The following KLF8 variants were observed in gnomAD, a reference collection of about 807,000 sequenced individuals.
The protein encoded by KLF8 is Krueppel-like factor 8.
A neutral mutation model predicts 18.2 loss-of-function variants in KLF8; 10 were observed. That is an observed-to-expected ratio of 0.55 (90% CI 0.34 to 0.93). The LOEUF (loss-of-function observed/expected upper bound fraction) is 0.93, where lower values mean the gene tolerates loss of function less well. Among genes scored for constraint, KLF8 ranks in the 40% least tolerant of loss-of-function variants. The pLI is 0.02. For missense variants in KLF8, 264 were observed against 277.9 expected (o/e 0.95, Z 0.36); for synonymous variants, 109 against 97.3 (o/e 1.12, Z -0.71).
the KLF8 span, among the ~76,000 whole-genome samples, chrX:56,028,396 A>G: frequency 9.0e-6 from 1 of 111,537 alleles, no homozygotes; most frequent in African/African-American, 3.3e-5. Flanking sequence ...GCTGCAGATG[A>G]CCTGCTTTCT....
the KLF8 span, among the ~76,000 whole-genome samples, chrX:56,028,258 C>G: frequency 4.4e-3 from 481 of 110,469 alleles, 4 homozygotes; most frequent in African/African-American, 0.016. Context: ...TCAAAGGGCT[C>G]TCAGTCGCCC....
chrX:56,005,414 G>A, the KLF8 span, among the ~76,000 whole-genome samples: 1 of 112,078 alleles, frequency 8.9e-6, no homozygotes, highest in African/African-American at 3.2e-5. Flanking sequence ...TGAGAGCAAG[G>A]CTGCTGCAGT....
the KLF8 span, among the ~76,000 whole-genome samples, chrX:56,214,287 C>T: frequency 8.9e-6 from 1 of 111,935 alleles, no homozygotes; most frequent in African/African-American, 3.3e-5. Flanking sequence ...GGGGCCCTTG[C>T]CAGGGACCCC....
chrX:55,948,311 A>G, the KLF8 span, among the ~76,000 whole-genome samples: 5 of 111,787 alleles, frequency 4.5e-5, no homozygotes, highest in African/African-American at 1.6e-4. Flanking sequence ...TTTTAAAGTG[A>G]AGAGTTGTAT....
At chrX:56,227,418 TCAGCTCACTGCAACCTC>T (rs772746336), upstream of KLF8, among the ~76,000 whole-genome samples, 1 of 109,293 alleles carries the variant, frequency 9.1e-6, no homozygotes, top group Non-Finnish European at 1.9e-5. Flanking sequence ...TGGTGCGACC[TCAGCTCACTGCAACCTC>T]CGCCTCCCGG....
chrX:55,911,547 G>A, the KLF8 span, among the ~76,000 whole-genome samples: 2 of 111,608 alleles, frequency 1.8e-5, no homozygotes, highest in Admixed American at 9.6e-5. Context: ...TTCCTTTTAA[G>A]TTGTGCACTG....
chrX:56,073,309 T>C, the KLF8 span, among the ~76,000 whole-genome samples: 1 of 112,368 alleles, frequency 8.9e-6, no homozygotes, highest in Non-Finnish European at 1.9e-5. Flanking sequence ...TTAAGATTCA[T>C]CCATATTGTA....
chrX:56,073,685 G>A, the KLF8 span, among the ~76,000 whole-genome samples: 8 of 110,324 alleles, frequency 7.3e-5, no homozygotes, highest in Non-Finnish European at 1.3e-4. Context: ...AACCTAAGTT[G>A]GTGAGTGTGA....
At chrX:56,028,924 G>A in the KLF8 span, among the ~76,000 whole-genome samples, 2 of 111,280 alleles carry the variant, frequency 1.8e-5, no homozygotes, top group Admixed American at 9.5e-5. Flanking sequence ...GTCCTGTACG[G>A]GCCGATAGTC....
the KLF8 span, among the ~76,000 whole-genome samples, chrX:56,056,046 T>G: frequency 1.8e-5 from 2 of 111,835 alleles, no homozygotes; most frequent in African/African-American, 6.5e-5. Flanking sequence ...TTTATTCATA[T>G]TCTGAATTTT....
chrX:56,056,800 T>TAA, the KLF8 span, among the ~76,000 whole-genome samples: 8 of 42,032 alleles, frequency 1.9e-4, 1 homozygote, highest in African/African-American at 4.9e-4. Flanking sequence ...AAAGTATATA[T>TAA]AAAAAAAAAA....
the KLF8 span, among the ~76,000 whole-genome samples, chrX:55,970,602 A>G: frequency 8.9e-6 from 1 of 111,737 alleles, no homozygotes; most frequent in African/African-American, 3.2e-5. Flanking sequence ...GGGCATCCAA[A>G]TTGGAAAGGA....
chrX:55,924,849 C>CTTTTTTTTTTT, the KLF8 span, among the ~76,000 whole-genome samples: 6 of 42,936 alleles, frequency 1.4e-4, no homozygotes, highest in Admixed American at 4.1e-4. Context: ...TTGTTTTTTG[C>CTTTTTTTTTTT]TTTTTTTTTT....
chrX:56,216,615 A>T, the KLF8 span, among the ~76,000 whole-genome samples: 1 of 109,235 alleles, frequency 9.2e-6, no homozygotes, highest in African/African-American at 3.3e-5. Flanking sequence ...TCTTCAAGTG[A>T]TCCTCCAACC....
At chrX:56,190,998 T>C in the KLF8 span, among the ~76,000 whole-genome samples, 454 of 110,505 alleles carry the variant, frequency 4.1e-3, no homozygotes, top group African/African-American at 0.014. Flanking sequence ...AAAAAGAAAA[T>C]AATACAAAGG....
At chrX:56,181,106 T>C in the KLF8 span, among the ~76,000 whole-genome samples, 1 of 111,629 alleles carries the variant, frequency 9.0e-6, no homozygotes, top group East Asian at 2.8e-4. Context: ...TAAGTGTCTT[T>C]GTAGGTCTCT....
intron 2 of KLF8, among the ~76,000 whole-genome samples, chrX:56,260,121 G>A (rs1166065571): frequency 9.0e-6 from 1 of 111,293 alleles, no homozygotes; most frequent in Non-Finnish European, 1.9e-5. Flanking sequence ...CTTCTCCTCT[G>A]TGGCTCTGTG....
the KLF8 span, among the ~76,000 whole-genome samples, chrX:55,931,174 T>C: frequency 4.5e-5 from 5 of 111,995 alleles, no homozygotes; most frequent in East Asian, 1.1e-3. Flanking sequence ...TTTTTTAGTT[T>C]ATTTGCATAG....
chrX:56,051,883 C>A, the KLF8 span, among the ~76,000 whole-genome samples: 1 of 109,419 alleles, frequency 9.1e-6, no homozygotes, highest in South Asian at 3.8e-4. Flanking sequence ...TGGTTCCATT[C>A]TCCCCATCAC....
Sources: allele counts gnomAD v4.1 joint callset (sites outside exome capture counted in the v4.1 genomes callset), GRCh38; gene constraint gnomAD v4.1.1; transcripts MANE v1.5; gene names NCBI Gene and HGNC (gene_info 2026-07-23, HGNC 2026-07-21).